ATR: variants seen among roughly 807,000 people sequenced by gnomAD.
The protein encoded by ATR is serine/threonine-protein kinase ATR.
In ATR, 142 loss-of-function variants were observed where a neutral mutation model predicts 305.3. The ratio of observed to expected loss-of-function variants is 0.47; its 90% confidence interval spans 0.41 to 0.53. ATR has a LOEUF of 0.53. Ranked by LOEUF, ATR falls within the 20% of genes least tolerant of loss-of-function variation. The pLI is 0.00. For synonymous variants in ATR, 1,050 were observed against 1,068.1 expected (o/e 0.98, Z 0.33); for missense variants, 2,135 against 3,133.1 (o/e 0.68, Z 7.60).
chr3:142,528,595 G>A (rs919271610), intron 21 of ATR, among the ~76,000 whole-genome samples: 2 of 151,364 alleles, frequency 1.3e-5, no homozygotes, highest in Non-Finnish European at 2.9e-5. Context: ...CTTTAGGTAC[G>A]TATCTTGCAT....
intron 29 of ATR, among the ~76,000 whole-genome samples, chr3:142,503,843 T>C (rs1343684587): frequency 2.0e-5 from 3 of 152,242 alleles, no homozygotes; most frequent in East Asian, 1.9e-4. Context: ...GAAGTTATTA[T>C]ATTTTTCAAT....
chr3:142,554,802 T>A (rs961630187), intron 10 of ATR, among the ~76,000 whole-genome samples: 1 of 151,744 alleles, frequency 6.6e-6, no homozygotes, highest in African/African-American at 2.4e-5. Flanking sequence ...CATACTATGG[T>A]TCCAGCTACT....
chr3:142,482,197 C>G (rs897952362), intron 36 of ATR, among the ~76,000 whole-genome samples: 1 of 151,996 alleles, frequency 6.6e-6, no homozygotes, highest in Admixed American at 6.6e-5. Flanking sequence ...AGGTTTCTAA[C>G]CCTAATTGGA....
Position 142,568,055 on chromosome 3 carries a change from T to C in ATR, c.151+8A>G, listed in dbSNP as rs750677232. ...TAAAGTTTATATAAGAAATAATTGG[T>C]TTCTTACCAACATTTACATCTGTAA... On this transcript the variant is annotated splice_region_variant and intron_variant, in intron 2 of 46. Coordinates refer to ENST00000350721, the MANE Select transcript of ATR (RefSeq NM_001184.4). 6.3e-7 allele frequency: 1 copy of C among 1,590,310 alleles called. No homozygotes were observed. The highest frequency in any genetic ancestry group is 1.1e-5 in the South Asian group (1 of 87,412).
chr3:142,491,403 G>A (rs559684264), intron 35 of ATR, among the ~76,000 whole-genome samples: 1 of 152,318 alleles, frequency 6.6e-6, no homozygotes, highest in South Asian at 2.1e-4. Context: ...AACCTGAAAA[G>A]TTGGTAGTCT....
intron 1 of ATR, among the ~76,000 whole-genome samples, chr3:142,574,867 A>C (rs544911345): frequency 3.0e-4 from 45 of 152,164 alleles, no homozygotes; most frequent in Non-Finnish European, 5.4e-4. Context: ...AGGGTAGTCC[A>C]AGCACTGGAA....
At chr3:142,517,102 C>T (rs2032901043) in intron 24 of ATR, among the ~76,000 whole-genome samples, 1 of 150,896 alleles carries the variant, frequency 6.6e-6, no homozygotes, top group Non-Finnish European at 1.5e-5. Context: ...ATTCAAATCC[C>T]TATTTTGAAT....
At chr3:142,567,809 C>T (rs1422064364) in intron 2 of ATR, among the ~76,000 whole-genome samples, 1 of 151,862 alleles carries the variant, frequency 6.6e-6, no homozygotes, top group African/African-American at 2.4e-5. Context: ...ATATAATATC[C>T]AATATTAAAG....
chr3:142,496,277 ACT>A, intron 34 of ATR, 82 bp downstream of exon 34: 1 of 96,306 alleles, frequency 1.0e-5, no homozygotes, highest in Non-Finnish European at 1.5e-5. Context: ...ATAATTCCCG[ACT>A]ATATATATAT....
intron 1 of ATR, among the ~76,000 whole-genome samples, chr3:142,571,336 G>C (rs554951805): frequency 2.4e-4 from 37 of 152,172 alleles, no homozygotes; most frequent in African/African-American, 8.7e-4. Context: ...TGTGGTGGCG[G>C]GCGCCTGTAG....
intron 21 of ATR, among the ~76,000 whole-genome samples, chr3:142,530,235 A>G (rs2033585243): frequency 2.0e-5 from 3 of 151,828 alleles, no homozygotes; most frequent in Non-Finnish European, 4.4e-5. Context: ...TCTTCATTTC[A>G]ATTTCTTTCC....
intron 36 of ATR, among the ~76,000 whole-genome samples, chr3:142,477,449 A>G (rs746456269): frequency 2.0e-5 from 3 of 152,200 alleles, no homozygotes; most frequent in Non-Finnish European, 4.4e-5. Context: ...AGCCCACTTC[A>G]TCATGGTGGA....
At chr3:142,574,458 C>CAAAAAAAAA (rs59441794) in intron 1 of ATR, among the ~76,000 whole-genome samples, 1 of 114,642 alleles carries the variant, frequency 8.7e-6, no homozygotes. Flanking sequence ...GAGCCAGTCT[C>CAAAAAAAAA]AAAAAAAAAA....
At chr3:142,556,238 C>A (rs2108472558) in intron 9 of ATR, 99 bp from the exon 10 acceptor site, 1 of 1,514,140 alleles carries the variant, frequency 6.6e-7, no homozygotes, top group South Asian at 1.2e-5. Context: ...AAAACAAAGC[C>A]TAGAAGGAAA....
intron 2 of ATR, among the ~76,000 whole-genome samples, chr3:142,566,836 G>A (rs1028756058): frequency 4.6e-5 from 7 of 151,418 alleles, no homozygotes; most frequent in Admixed American, 2.0e-4. Flanking sequence ...CTGTGCCTCC[G>A]GGGTACAAGT....
At chr3:142,532,587 A>G (rs1042142417) in intron 21 of ATR, among the ~76,000 whole-genome samples, 21 of 151,828 alleles carry the variant, frequency 1.4e-4, no homozygotes, top group African/African-American at 5.1e-4. Flanking sequence ...ACCCATCAGT[A>G]CAGGGCTTTT....
At chr3:142,462,125 T>C (rs2108266470) in intron 41 of ATR, 35 bp from the exon 42 acceptor site, 1 of 1,579,752 alleles carries the variant, frequency 6.3e-7, no homozygotes. Flanking sequence ...AAAAACAAGA[T>C]AGAACTCAAA....
chr3:142,569,069 G>A (rs1265735688), intron 1 of ATR, among the ~76,000 whole-genome samples: 1 of 152,168 alleles, frequency 6.6e-6, no homozygotes, highest in African/African-American at 2.4e-5. Flanking sequence ...CTGGAAGCCT[G>A]GCTGCCAGTT....
intron 21 of ATR, among the ~76,000 whole-genome samples, chr3:142,534,393 G>C (rs1389636036): frequency 6.6e-6 from 1 of 152,042 alleles, no homozygotes. Flanking sequence ...TATATCTTTT[G>C]TCCTAAGTAA....
Sources: gnomAD v4.1 joint callset for allele counts (sites outside exome capture counted in the v4.1 genomes callset) on GRCh38, gnomAD v4.1.1 for gene constraint, MANE v1.5 for transcripts, NCBI Gene and HGNC (gene_info 2026-07-23, HGNC 2026-07-21) for gene names.